Variants in ZNG1A observed in about 807,000 individuals in gnomAD.
ZNG1A encodes zinc-regulated GTPase metalloprotein activator 1A.
chr9:171,378 CACTA>C, the ZNG1A span, among the ~76,000 whole-genome samples: 1 of 151,888 alleles, frequency 6.6e-6, no homozygotes, highest in Non-Finnish European at 1.5e-5. Context: ...ACAGAATAAG[CACTA>C]ACTTTTATGC....
the ZNG1A span, among the ~76,000 whole-genome samples, chr9:168,709 G>A: frequency 6.8e-6 from 1 of 147,038 alleles, no homozygotes. Flanking sequence ...ACTTCAAGTT[G>A]AAGCCAATAA....
chr9:177,417 G>A, the ZNG1A span, among the ~76,000 whole-genome samples: 11 of 151,756 alleles, frequency 7.2e-5, no homozygotes, highest in African/African-American at 2.7e-4. Context: ...GATTTGGGGG[G>A]ATGGTAACAG....
chr9:155,475 CTTCT>C, the ZNG1A span, among the ~76,000 whole-genome samples: 5 of 152,056 alleles, frequency 3.3e-5, no homozygotes, highest in African/African-American at 7.2e-5. Context: ...GCCCAAATGT[CTTCT>C]TTATCACTAT....
the ZNG1A span, chr9:171,957 CAAAA>C: frequency 6.7e-7 from 1 of 1,502,054 alleles, no homozygotes; most frequent in African/African-American, 1.4e-5. Context: ...TCTTTTAAAC[CAAAA>C]AAAGTTTTTG....
At chr9:139,675 G>C in the ZNG1A span, among the ~76,000 whole-genome samples, 4 of 152,038 alleles carry the variant, frequency 2.6e-5, no homozygotes, top group South Asian at 8.3e-4. Flanking sequence ...TGGCCAAATA[G>C]GAACAGCTCC....
At chr9:167,794 G>A in the ZNG1A span, among the ~76,000 whole-genome samples, 1 of 146,706 alleles carries the variant, frequency 6.8e-6, no homozygotes, top group Non-Finnish European at 1.5e-5. Flanking sequence ...ATTATGCTTA[G>A]TGAGGAAGTT....
At chr9:161,842 C>T in the ZNG1A span, among the ~76,000 whole-genome samples, 2 of 151,748 alleles carry the variant, frequency 1.3e-5, no homozygotes, top group Non-Finnish European at 2.9e-5. Flanking sequence ...ATGCAAGATG[C>T]CTTTTAATGG....
chr9:163,928 A>G, the ZNG1A span: 8 of 433,254 alleles, frequency 1.8e-5, no homozygotes, highest in African/African-American at 5.8e-5. Context: ...TCTGTCTCAG[A>G]AAAAAAAAAA....
At chr9:172,260 C>T in the ZNG1A span, 1 of 1,543,466 alleles carries the variant, frequency 6.5e-7, no homozygotes. Flanking sequence ...ATTCAACAAC[C>T]CGAGACAAAA....
At chr9:136,863 G>A in the ZNG1A span, among the ~76,000 whole-genome samples, 2 of 151,902 alleles carry the variant, frequency 1.3e-5, no homozygotes, top group Non-Finnish European at 2.9e-5. Context: ...CGTAGCGAGA[G>A]CCTGTCACTA....
the ZNG1A span, among the ~76,000 whole-genome samples, chr9:128,676 T>G: frequency 1.3e-5 from 2 of 150,244 alleles, no homozygotes; most frequent in Admixed American, 1.3e-4. Context: ...CTTTTTCAAG[T>G]AAGTCAGGGA....
chr9:155,188 G>C, the ZNG1A span, among the ~76,000 whole-genome samples: 1 of 149,736 alleles, frequency 6.7e-6, no homozygotes, highest in Non-Finnish European at 1.5e-5. Flanking sequence ...ATGGTAAAAA[G>C]AAGAAGAGTT....
chr9:161,301 T>C, the ZNG1A span, among the ~76,000 whole-genome samples: 1 of 151,700 alleles, frequency 6.6e-6, no homozygotes, highest in African/African-American at 2.4e-5. Context: ...AAATCCTGTC[T>C]CTACTAAAAA....
chr9:128,898 C>T, the ZNG1A span, among the ~76,000 whole-genome samples: 1 of 151,542 alleles, frequency 6.6e-6, no homozygotes, highest in African/African-American at 2.4e-5. Context: ...TCTCCCTTTT[C>T]CTATGGATGT....
At chr9:136,882 T>G in the ZNG1A span, among the ~76,000 whole-genome samples, 1 of 151,494 alleles carries the variant, frequency 6.6e-6, no homozygotes, top group African/African-American at 2.4e-5. Flanking sequence ...TACAAAAAAG[T>G]AAAAATAAAA....
chr9:149,757 C>G, the ZNG1A span, among the ~76,000 whole-genome samples: 18 of 150,114 alleles, frequency 1.2e-4, 1 homozygote, highest in East Asian at 3.1e-3. Context: ...TTATTATTGA[C>G]CAGCTGTGTT....
chr9:158,873 C>A, the ZNG1A span, among the ~76,000 whole-genome samples: 1 of 152,104 alleles, frequency 6.6e-6, no homozygotes, highest in African/African-American at 2.4e-5. Flanking sequence ...CATTTATTTT[C>A]TTTAGATATC....
the ZNG1A span, among the ~76,000 whole-genome samples, chr9:161,946 G>A: frequency 6.6e-6 from 1 of 150,824 alleles, no homozygotes; most frequent in South Asian, 2.1e-4. Context: ...CTCAGGATGT[G>A]CAGGTTTGTT....
At chr9:177,174 T>C in the ZNG1A span, among the ~76,000 whole-genome samples, 1 of 152,156 alleles carries the variant, frequency 6.6e-6, no homozygotes, top group Non-Finnish European at 1.5e-5. Context: ...GCGGGGCCAA[T>C]TTGGCAGGCT....
Sources: allele counts gnomAD v4.1 joint callset (sites outside exome capture counted in the v4.1 genomes callset), GRCh38; gene constraint gnomAD v4.1.1; transcripts MANE v1.5; gene names NCBI Gene and HGNC (gene_info 2026-07-23, HGNC 2026-07-21).